The following BBS9 variants were observed in gnomAD, a reference collection of about 807,000 sequenced individuals.
BBS9 encodes Bardet-Biedl syndrome 9, also known as protein PTHB1.
Under a neutral mutation model 117.7 loss-of-function variants are expected in BBS9, and 89 were observed. The observed-to-expected ratio is 0.76, with a 90% confidence interval of 0.64 to 0.90. The LOEUF (loss-of-function observed/expected upper bound fraction) is 0.90, where lower values mean the gene tolerates loss of function less well. Ranked by LOEUF, BBS9 falls within the 40% of genes least tolerant of loss-of-function variation. The pLI is 0.00. For synonymous variants in BBS9, 379 were observed against 370.9 expected (o/e 1.02, Z -0.25); for missense variants, 982 against 1,042.2 (o/e 0.94, Z 0.80).
intron 19 of BBS9, among the ~76,000 whole-genome samples, chr7:33,480,711 T>C (rs1842413690): frequency 6.6e-6 from 1 of 152,208 alleles, no homozygotes; most frequent in Non-Finnish European, 1.5e-5. Flanking sequence ...CATTGATTCA[T>C]AGATGTATAG....
In BBS9 at chr7:33,273,928, C is replaced by A; in HGVS notation, c.988C>A (p.Pro330Thr). 6.2e-7 allele frequency: 1 copy of A among 1,613,596 alleles called. No homozygotes were observed. The highest frequency in any genetic ancestry group is 2.2e-5 in the East Asian group (1 of 44,778). Residue 330 changes from proline to threonine, a missense_variant, in exon 9 of 23, where the codon CCT becomes ACT. By Grantham distance (38) the Pro-to-Thr change is conservative. Coordinates refer to ENST00000242067, the MANE Select transcript of BBS9 (RefSeq NM_198428.3). The part of the protein sequence containing the change: ...LKWATQLPHI[P>T]VAVRVGCLHD... ...GTGGGCCACCCAACTTCCCCACATTCCTGTAGCAGTAAGAGTGGGCTGTTT... is the reference window on the plus strand; with the variant it reads ...GTGGGCCACCCAACTTCCCCACATTACTGTAGCAGTAAGAGTGGGCTGTTT...
chr7:33,501,863 A>G (rs1426708693), intron 19 of BBS9, among the ~76,000 whole-genome samples: 2 of 151,784 alleles, frequency 1.3e-5, no homozygotes, highest in Non-Finnish European at 2.9e-5. Context: ...TGCCCAGCCT[A>G]CCTTTTTAAT....
At chr7:33,212,569 T>C (rs1018905176) in intron 5 of BBS9, among the ~76,000 whole-genome samples, 1 of 152,156 alleles carries the variant, frequency 6.6e-6, no homozygotes, top group Non-Finnish European at 1.5e-5. Context: ...TTTAGTTTGT[T>C]TGGTGAGATC....
chr7:33,442,793 C>G lies in BBS9; in HGVS notation c.2115+54649C>G, dbSNP rs990712987. ...TTGGTCTCATTAGCTTGGTGTTTAT[C>G]AGATTTCTTTAGTTAACCCAGGTCT... On this transcript the variant is annotated intron_variant, in intron 19 of 22. Coordinates refer to ENST00000242067, the MANE Select transcript of BBS9 (RefSeq NM_198428.3). 3.9e-5 allele frequency among the ~76,000 whole-genome samples: 6 copies of G among 152,074 alleles called. No individual in the cohort carries two copies. In the East Asian group the frequency reaches 1.2e-3, roughly 29 times the overall value.
rs371653658 is a variant in BBS9 at position 33,146,383 on chromosome 7, T to A, written c.112+19T>A. Reference sequence around the variant, plus strand: ...GGACAAGGTAAGCAACTTACAACCATACATCTTGGATGAAAGTTTTAAAGA... The same window carrying A: ...GGACAAGGTAAGCAACTTACAACCAAACATCTTGGATGAAAGTTTTAAAGA... On this transcript the variant is annotated intron_variant, in intron 2 of 22. Coordinates refer to ENST00000242067, the MANE Select transcript of BBS9 (RefSeq NM_198428.3). 1.3e-6 allele frequency: 2 copies of A among 1,567,296 alleles called. No homozygotes were observed. Among genetic ancestry groups the A allele is most frequent in the Non-Finnish European group, 1.8e-6 (2 of 1,137,430 alleles).
intron 21 of BBS9, among the ~76,000 whole-genome samples, chr7:33,634,959 G>A (rs183450869): frequency 5.0e-4 from 76 of 152,272 alleles, no homozygotes; most frequent in African/African-American, 1.7e-3. Context: ...TGCCTGTCAC[G>A]GGCAGTTGAA....
At chr7:33,601,027 T>C (rs1180613294) in intron 21 of BBS9, among the ~76,000 whole-genome samples, 1 of 152,128 alleles carries the variant, frequency 6.6e-6, no homozygotes, top group Non-Finnish European at 1.5e-5. Context: ...GGTAACATTG[T>C]AGGAAAAGGG....
chr7:33,608,476 C>T (rs1864699128), downstream of BBS9, among the ~76,000 whole-genome samples: 1 of 152,110 alleles, frequency 6.6e-6, no homozygotes, highest in African/African-American at 2.4e-5. Context: ...TCTACAGTGG[C>T]TGAACTAATT....
Position 33,620,567 on chromosome 7 carries a change from T to C in BBS9, c.2522-14610T>C, listed in dbSNP as rs185216414. ...TGAAAGATCTATACACTGAAAACTA[T>C]AAAGCATTGATGAAAAAAAAGGAAA... is the stretch of plus-strand genomic sequence containing the variant. On this transcript the variant is annotated intron_variant, in intron 21 of 21. Coordinates refer to the BBS9 transcript ENST00000671952. Among the ~76,000 whole-genome samples, 20 of 151,756 alleles carry C rather than the reference T, an allele frequency of 1.3e-4. 1 individual carries two copies. The East Asian group carries it at 3.5e-3, about 26-fold the overall frequency.
chr7:33,335,040 C>T (rs1815014648), intron 9 of BBS9, among the ~76,000 whole-genome samples: 1 of 152,282 alleles, frequency 6.6e-6, no homozygotes, highest in East Asian at 1.9e-4. Flanking sequence ...AGTATCTACT[C>T]CCAACCCAGT....
chr7:33,131,039 A>C (rs1789517099), intron 1 of BBS9, among the ~76,000 whole-genome samples: 1 of 152,240 alleles, frequency 6.6e-6, no homozygotes, highest in Admixed American at 6.5e-5. Context: ...TTATTAAAAT[A>C]CATGAAATTA....
intron 19 of BBS9, among the ~76,000 whole-genome samples, chr7:33,498,548 A>G (rs1212887611): frequency 1.3e-5 from 2 of 152,076 alleles, no homozygotes; most frequent in African/African-American, 4.8e-5. Flanking sequence ...GCAACTATTA[A>G]TCTACTTTCT....
intron 19 of BBS9, among the ~76,000 whole-genome samples, chr7:33,500,666 T>A (rs941693839): frequency 1.1e-4 from 17 of 152,212 alleles, no homozygotes; most frequent in Non-Finnish European, 1.9e-4. Flanking sequence ...GTGCCACACA[T>A]GAAATATGGA....
At chr7:33,219,239 G>A (rs866740372) in intron 5 of BBS9, among the ~76,000 whole-genome samples, 1 of 152,180 alleles carries the variant, frequency 6.6e-6, no homozygotes, top group Non-Finnish European at 1.5e-5. Context: ...CCTGCAGCCC[G>A]CCATGCCTGA....
intron 21 of BBS9, among the ~76,000 whole-genome samples, chr7:33,633,510 CTTTTTT>C (rs894796851): frequency 1.0e-5 from 1 of 98,462 alleles, no homozygotes; most frequent in Non-Finnish European, 2.1e-5. Context: ...TAACTTTTTT[CTTTTTT>C]TTTTTTTTTT....
At chr7:33,454,718 T>C (rs1404457376) in intron 19 of BBS9, among the ~76,000 whole-genome samples, 3 of 152,182 alleles carry the variant, frequency 2.0e-5, no homozygotes, top group Non-Finnish European at 4.4e-5. Flanking sequence ...ACACCTGCTA[T>C]ATAGTGAGTC....
chr7:33,416,336 C>T (rs1404285378), intron 19 of BBS9, among the ~76,000 whole-genome samples: 1 of 151,064 alleles, frequency 6.6e-6, no homozygotes, highest in East Asian at 1.9e-4. Flanking sequence ...CCTGACACAG[C>T]CTGAGGTTCT....
chr7:33,424,927 A>T (rs1203590381), intron 19 of BBS9, among the ~76,000 whole-genome samples: 2 of 152,192 alleles, frequency 1.3e-5, no homozygotes, highest in South Asian at 2.1e-4. Context: ...AAAAAAATTT[A>T]AAAAGTTTAT....
At chr7:33,400,779 A>G (rs1011973657) in intron 19 of BBS9, among the ~76,000 whole-genome samples, 1 of 152,254 alleles carries the variant, frequency 6.6e-6, no homozygotes, top group African/African-American at 2.4e-5. Flanking sequence ...AGTACCAAAT[A>G]TAACTAAGGA....
Sources: gnomAD v4.1 joint callset for allele counts (sites outside exome capture counted in the v4.1 genomes callset) on GRCh38, gnomAD v4.1.1 for gene constraint, MANE v1.5 for transcripts, NCBI Gene and HGNC (gene_info 2026-07-23, HGNC 2026-07-21) for gene names.